LASP1: variants seen among roughly 807,000 people sequenced by gnomAD.
LASP1 encodes LIM and SH3 protein 1, also known as LIM and SH3 domain protein 1.
Under a neutral mutation model 38.6 loss-of-function variants are expected in LASP1, and 10 were observed. The ratio of observed to expected loss-of-function variants is 0.26; its 90% confidence interval spans 0.16 to 0.44. The LOEUF (loss-of-function observed/expected upper bound fraction) is 0.44. Ranked by LOEUF, LASP1 falls within the 20% of genes least tolerant of loss-of-function variation. The pLI is 1.00. For missense variants in LASP1, 243 were observed against 375.7 expected (o/e 0.65, Z 2.92); for synonymous variants, 132 against 140.8 (o/e 0.94, Z 0.44).
At chr17:38,905,874 T>C (rs182101744) in intron 4 of LASP1, among the ~76,000 whole-genome samples, 1 of 151,988 alleles carries the variant, frequency 6.6e-6, no homozygotes, top group Admixed American at 6.5e-5. Flanking sequence ...CTGGGCAACA[T>C]AGCAAGATAC....
At chr17:38,882,351 G>T (rs1465916016) in intron 2 of LASP1, among the ~76,000 whole-genome samples, 4 of 152,176 alleles carry the variant, frequency 2.6e-5, no homozygotes, top group Non-Finnish European at 5.9e-5. Context: ...AGGTTCAAGC[G>T]ATTCTCCTGC....
intron 2 of LASP1, 85 bp from the exon 3 acceptor site, chr17:38,890,335 C>G: frequency 3.8e-6 from 5 of 1,307,234 alleles, no homozygotes; most frequent in Non-Finnish European, 5.5e-6. Flanking sequence ...GGACGAAGTT[C>G]CCAGGAGGGC....
intron 5 of LASP1, among the ~76,000 whole-genome samples, chr17:38,914,705 C>T (rs1199351255): frequency 6.6e-6 from 1 of 151,204 alleles, no homozygotes; most frequent in South Asian, 2.1e-4. Context: ...CACACACACA[C>T]ACACACACAT....
chr17:38,908,225 G>C (rs915306865), intron 4 of LASP1, among the ~76,000 whole-genome samples: 1 of 152,220 alleles, frequency 6.6e-6, no homozygotes, highest in African/African-American at 2.4e-5. Flanking sequence ...TGTCCATTCC[G>C]TGTCTGCACT....
chr17:38,913,690 C>T (rs2143824852), intron 4 of LASP1, among the ~76,000 whole-genome samples: 1 of 152,214 alleles, frequency 6.6e-6, no homozygotes, highest in East Asian at 1.9e-4. Context: ...CAGCCCCGCC[C>T]CTGCCGCAGG....
intron 4 of LASP1, among the ~76,000 whole-genome samples, chr17:38,907,162 A>G (rs1048247913): frequency 2.0e-5 from 3 of 152,084 alleles, no homozygotes; most frequent in African/African-American, 4.8e-5. Context: ...TGGCGAGGGG[A>G]AGGAGAGGAA....
At chr17:38,908,672 C>T (rs747879803) in intron 4 of LASP1, among the ~76,000 whole-genome samples, 7 of 152,202 alleles carry the variant, frequency 4.6e-5, no homozygotes, top group African/African-American at 1.2e-4. Context: ...CTGCCCTCTG[C>T]GTCCAGACTG....
rs199598371 is a variant in LASP1, at chr17:38,906,331, C to CA, written c.357+7813dup. Among the ~76,000 whole-genome samples, 1,351 of 152,026 alleles carry CA rather than the reference C, an allele frequency of 8.9e-3. 18 individuals are homozygous for CA. The highest frequency in any genetic ancestry group is 0.031 in the African/African-American group (1,264 of 41,426). ...TGATTTGAGGCCAGGAGTTTGAGAT[C>CA]AGCCTGACCAACATGGCAAACCCCC... On this transcript the variant is annotated intron_variant, in intron 4 of 6. Transcript: ENST00000318008.
Position 38,919,972 on chromosome 17 carries a change from C to G in LASP1, c.*1194C>G. ...TGAGGGTATGAAGAGCTGTCTTCCCCTGAGAGTTTCCTCAGAACCCACAGT... is the reference window on the plus strand; with the variant it reads ...TGAGGGTATGAAGAGCTGTCTTCCCGTGAGAGTTTCCTCAGAACCCACAGT... On this transcript the variant is annotated 3_prime_UTR_variant, in exon 7 of 7. Coordinates refer to ENST00000318008, the MANE Select transcript of LASP1 (RefSeq NM_006148.4). The G allele has an allele frequency of 3.7e-6, 2 of 535,030 alleles. No homozygotes were observed. Among genetic ancestry groups the G allele is most frequent in the Non-Finnish European group, 3.6e-6 (1 of 276,748 alleles). 33.1% of individuals were successfully genotyped at this position (535,030 alleles called of 1,614,324 possible). A position where few individuals can be genotyped will look rare whatever the true frequency, so the allele number is the denominator to read the frequency against.
At chr17:38,907,967 G>A (rs1466228678) in intron 4 of LASP1, among the ~76,000 whole-genome samples, 1 of 152,218 alleles carries the variant, frequency 6.6e-6, no homozygotes, top group African/African-American at 2.4e-5. Context: ...AGGTCATGTA[G>A]GTAAGCATAC....
At chr17:38,896,533 G>A (rs149437692) in intron 3 of LASP1, among the ~76,000 whole-genome samples, 145 of 152,344 alleles carry the variant, frequency 9.5e-4, no homozygotes, top group South Asian at 1.9e-3. Flanking sequence ...TTGCAGCGTC[G>A]CCATGGCGAT....
intron 1 of LASP1, among the ~76,000 whole-genome samples, chr17:38,870,642 C>T (rs1357585550): frequency 7.0e-6 from 1 of 142,240 alleles, no homozygotes; most frequent in Non-Finnish European, 1.5e-5. Context: ...CGCCGAGCGC[C>T]AAGTAGGCGG....
intron 4 of LASP1, chr17:38,899,323 G>A (rs556168066): frequency 6.3e-6 from 1 of 159,704 alleles, no homozygotes; most frequent in Non-Finnish European, 1.4e-5. Context: ...GCAGGCAGCT[G>A]TCTTCGTGTC....
intron 3 of LASP1, among the ~76,000 whole-genome samples, chr17:38,895,297 A>T (rs188086393): frequency 3.3e-5 from 5 of 150,886 alleles, no homozygotes; most frequent in Admixed American, 3.3e-4. Flanking sequence ...GACATGAGCC[A>T]TTTTGTTTTT....
chr17:38,893,814 G>A (rs111783687), intron 3 of LASP1, among the ~76,000 whole-genome samples: 141 of 152,318 alleles, frequency 9.3e-4, no homozygotes, highest in Middle Eastern at 3.4e-3. Context: ...TGTGGCTGCC[G>A]TGGGGGCAGA....
chr17:38,903,209 T>C (rs953300094), intron 4 of LASP1, among the ~76,000 whole-genome samples: 24 of 152,094 alleles, frequency 1.6e-4, no homozygotes, highest in African/African-American at 5.8e-4. Context: ...GAAGAGATGG[T>C]AAGGGCCCAG....
intron 6 of LASP1, chr17:38,915,980 A>G (rs1915110397): frequency 6.6e-6 from 1 of 152,246 alleles, no homozygotes; most frequent in African/African-American, 2.4e-5. Flanking sequence ...TGGGCACACA[A>G]ACAAAGGGAT....
chr17:38,905,389 G>C (rs7212657), intron 4 of LASP1, among the ~76,000 whole-genome samples: 1 of 151,822 alleles, frequency 6.6e-6, no homozygotes, highest in Admixed American at 6.6e-5. Context: ...TTAGCCGGGT[G>C]TGGTGGCGCA....
At position 38,918,658 on chromosome 17, in the gene LASP1, C is replaced by T. The variant is rs754654518; in HGVS notation, c.666C>T (p.Ser222=). 12 of 1,612,658 alleles carry T rather than the reference C, an allele frequency of 7.4e-6. No homozygotes were observed. Among genetic ancestry groups the T allele is most frequent in the Admixed American group, 3.3e-5 (2 of 59,858 alleles). The change falls in exon 7 of 7, where the codon TCC becomes TCT. Residue 222 remains serine (S), a synonymous_variant. Coordinates refer to ENST00000318008, the MANE Select transcript of LASP1 (RefSeq NM_006148.4). This position sits in a 1 kb window ranked among gnomAD's most constrained non-coding sequence, Gnocchi z 4.4. ...DYSAADEDEV[S]FQDGDTIVNV... is the part of the protein sequence containing the mutation. ...GCGCCGCCGACGAGGACGAGGTCTC[C>T]TTCCAGGACGGGGACACCATCGTCA...
Sources: gnomAD v4.1 joint callset for allele counts (sites outside exome capture counted in the v4.1 genomes callset) on GRCh38, gnomAD v4.1.1 for gene constraint, Gnocchi (gnomAD v3.1) non-coding constraint, MANE v1.5 for transcripts, NCBI Gene and HGNC (gene_info 2026-07-23, HGNC 2026-07-21) for gene names.